CAMK4: variants seen among roughly 807,000 people sequenced by gnomAD.
CAMK4 encodes the protein calcium/calmodulin dependent protein kinase IV.
Under a neutral mutation model 44.9 loss-of-function variants are expected in CAMK4, and 22 were observed. The ratio of observed to expected loss-of-function variants is 0.49; its 90% CI spans 0.35 to 0.70. The LOEUF (loss-of-function observed/expected upper bound fraction) is 0.70, where lower values mean the gene tolerates loss of function less well. Among genes scored for constraint, CAMK4 ranks in the 30% least tolerant of loss-of-function variants. CAMK4 has a pLI of 0.01. For synonymous variants in CAMK4, 218 were observed against 215.4 expected, an observed-to-expected ratio of 1.01 and a Z score of -0.11; for missense variants, 498 against 586.8, an observed-to-expected ratio of 0.85 and a Z score of 1.56.
intron 1 of CAMK4, among the ~76,000 whole-genome samples, chr5:111,233,604 A>G (rs941710225): frequency 1.3e-5 from 2 of 152,234 alleles, no homozygotes; most frequent in African/African-American, 2.4e-5. Context: ...TTTCAAATTG[A>G]TAATTCCTCT....
At chr5:111,420,975 TTAAAG>T (rs200155359) in intron 5 of CAMK4, among the ~76,000 whole-genome samples, 6,485 of 152,194 alleles carry the variant, frequency 0.043, 334 homozygotes, top group African/African-American at 0.13. Context: ...GATTAAGAGA[TTAAAG>T]TAAAGACAGG....
In CAMK4 at chr5:111,492,261, A is replaced by G. The variant is rs1332534535; in HGVS notation, c.*7795A>G. ...TGAAATATTTAGTAGAAAGTGCAAT[A>G]TCAATTTATTAGGAGTACCTAAAAT... On this transcript the variant is annotated 3_prime_UTR_variant, in exon 11 of 11. Transcript: ENST00000282356. 1 of 152,248 alleles carries G rather than the reference A, an allele frequency of 6.6e-6. No homozygotes were observed. The highest frequency in any genetic ancestry group is 2.4e-5 in the African/African-American group (1 of 41,470). The allele number at this position is 152,248 out of a possible 1,614,324, so 9.4% of individuals were successfully genotyped here. A position where few individuals can be genotyped will look rare whatever the true frequency, so the allele number is the denominator to read the frequency against.
intron 1 of CAMK4, among the ~76,000 whole-genome samples, chr5:111,340,265 G>A (rs945171056): frequency 4.6e-5 from 7 of 151,378 alleles, no homozygotes; most frequent in African/African-American, 1.4e-4. Context: ...GTATTGAATA[G>A]AAGTGGTGAG....
chr5:111,281,940 C>A (rs891650799), intron 1 of CAMK4, among the ~76,000 whole-genome samples: 2 of 151,928 alleles, frequency 1.3e-5, no homozygotes, highest in Admixed American at 1.3e-4. Context: ...CGCCTGTAGT[C>A]CCAGCTACTC....
At chr5:111,365,517 T>C (rs1332476822) in intron 2 of CAMK4, among the ~76,000 whole-genome samples, 1 of 21,116 alleles carries the variant, frequency 4.7e-5, no homozygotes, top group Admixed American at 4.2e-4. Context: ...AGTATAGGAA[T>C]GTGTAATAGT....
At chr5:111,414,037 T>C (rs1055363735) in intron 5 of CAMK4, among the ~76,000 whole-genome samples, 3 of 152,122 alleles carry the variant, frequency 2.0e-5, no homozygotes. Context: ...ATATCAAAAC[T>C]TTTAGAATTC....
intron 4 of CAMK4, among the ~76,000 whole-genome samples, chr5:111,389,139 A>C (rs763216725): frequency 3.9e-5 from 6 of 152,174 alleles, no homozygotes; most frequent in Non-Finnish European, 5.9e-5. Flanking sequence ...ATGCCTGCTG[A>C]GGGGCTGCTT....
At chr5:111,330,690 T>C (rs1214148141) in intron 1 of CAMK4, among the ~76,000 whole-genome samples, 1 of 151,186 alleles carries the variant, frequency 6.6e-6, no homozygotes, top group African/African-American at 2.4e-5. Flanking sequence ...TGAGCATCCA[T>C]GGAGTTTGGT....
chr5:111,391,118 C>G (rs930959813), intron 4 of CAMK4, among the ~76,000 whole-genome samples: 3 of 151,950 alleles, frequency 2.0e-5, no homozygotes, highest in African/African-American at 7.3e-5. Flanking sequence ...ACTCCTGAAA[C>G]AAAAATCTAA....
intron 1 of CAMK4, among the ~76,000 whole-genome samples, chr5:111,319,437 C>A (rs1412839965): frequency 1.3e-5 from 2 of 152,106 alleles, no homozygotes; most frequent in African/African-American, 2.4e-5. Flanking sequence ...ATCATAATAT[C>A]CCTTGCCTTT....
At chr5:111,358,753 A>G (rs925456776) in intron 2 of CAMK4, among the ~76,000 whole-genome samples, 2 of 151,742 alleles carry the variant, frequency 1.3e-5, no homozygotes, top group African/African-American at 2.4e-5. Context: ...CCCAGTGGCA[A>G]TATGTGTTGT....
intron 1 of CAMK4, among the ~76,000 whole-genome samples, chr5:111,323,748 G>C (rs1255688570): frequency 6.6e-6 from 1 of 152,018 alleles, no homozygotes; most frequent in Non-Finnish European, 1.5e-5. Context: ...TAAACCACAA[G>C]TAATGCCAAA....
At chr5:111,446,583 T>G (rs1256915084) in intron 5 of CAMK4, 103 bp from the exon 6 acceptor site, 2 of 648,504 alleles carry the variant, frequency 3.1e-6, no homozygotes, top group Non-Finnish European at 5.5e-6. Context: ...ATACTATGTG[T>G]GTTCTTGAAT....
At chr5:111,300,808 C>T (rs1747687582) in intron 1 of CAMK4, among the ~76,000 whole-genome samples, 1 of 152,072 alleles carries the variant, frequency 6.6e-6, no homozygotes, top group African/African-American at 2.4e-5. Context: ...TCATTTTTAA[C>T]ATAAGAATTC....
At chr5:111,453,723 A>G (rs1368506105) in intron 7 of CAMK4, among the ~76,000 whole-genome samples, 1 of 152,238 alleles carries the variant, frequency 6.6e-6, no homozygotes, top group African/African-American at 2.4e-5. Context: ...CACGCAGGAA[A>G]GAAGACACCA....
intron 7 of CAMK4, chr5:111,449,730 C>T (rs1016799513): frequency 6.6e-6 from 1 of 152,292 alleles, no homozygotes; most frequent in Non-Finnish European, 1.5e-5. Context: ...TTGAGCTCTT[C>T]ACATCTTCCC....
At chr5:111,282,443 G>A (rs1751062843) in intron 1 of CAMK4, among the ~76,000 whole-genome samples, 1 of 152,076 alleles carries the variant, frequency 6.6e-6, no homozygotes, top group Non-Finnish European at 1.5e-5. Flanking sequence ...TATCAGTACT[G>A]TAAGGATATA....
chr5:111,374,364 G>T (rs937197855), intron 2 of CAMK4, among the ~76,000 whole-genome samples: 1 of 152,106 alleles, frequency 6.6e-6, no homozygotes, highest in South Asian at 2.1e-4. Context: ...GCTCCTGACT[G>T]GGATGACTTG....
At chr5:111,236,305 C>T (rs933552085) in intron 1 of CAMK4, among the ~76,000 whole-genome samples, 1 of 152,238 alleles carries the variant, frequency 6.6e-6, no homozygotes, top group African/African-American at 2.4e-5. Context: ...CAGCCTCCTT[C>T]CCCACCACTT....
Sources: gnomAD v4.1 joint callset for allele counts (sites outside exome capture counted in the v4.1 genomes callset) on GRCh38, gnomAD v4.1.1 for gene constraint, MANE v1.5 for transcripts, NCBI Gene and HGNC (gene_info 2026-07-23, HGNC 2026-07-21) for gene names.